Variants in KMT5B observed in about 807,000 individuals in gnomAD.
KMT5B encodes the protein histone-lysine N-methyltransferase KMT5B.
KMT5B carries 10 observed loss-of-function variants against 83.2 expected under a neutral mutation model. The observed-to-expected ratio is 0.12, with a 90% CI of 0.07 to 0.20. The LOEUF (loss-of-function observed/expected upper bound fraction) is 0.20. KMT5B is among the 10% of genes least tolerant of loss of function. KMT5B has a pLI of 1.00. For synonymous variants in KMT5B, 349 were observed against 388.8 expected (o/e 0.90, Z 1.20); for missense variants, 753 against 1,067.2 (o/e 0.71, Z 4.10).
chr11:68,201,396 G>C (rs556867358), intron 1 of KMT5B, among the ~76,000 whole-genome samples: 33 of 152,340 alleles, frequency 2.2e-4, no homozygotes, highest in African/African-American at 7.0e-4. Flanking sequence ...AACCATGCCT[G>C]TTCTATGCCA....
At chr11:68,174,974 T>G (rs1856215304) in intron 5 of KMT5B, 44 bp downstream of exon 5, 2 of 1,559,878 alleles carry the variant, frequency 1.3e-6, no homozygotes, top group East Asian at 4.5e-5. Flanking sequence ...TACTTCACTA[T>G]TCTTATCCAA....
Position 68,169,745 on chromosome 11 carries a change from G to T in KMT5B, c.977+1270C>A, listed in dbSNP as rs142550071. Among the ~76,000 whole-genome samples, 230 of 152,270 alleles carry T rather than the reference G, an allele frequency of 1.5e-3. 1 individual carries two copies. Among genetic ancestry groups the T allele is most frequent in the African/African-American group, 5.5e-3 (227 of 41,546 alleles). Reference sequence around the variant, plus strand: ...CAGGCAGTCTGATTTCAGATGATAGGCACTTAACTGTTATACTGTTTCCTC... The same window carrying T: ...CAGGCAGTCTGATTTCAGATGATAGTCACTTAACTGTTATACTGTTTCCTC... On this transcript the variant is annotated intron_variant, in intron 9 of 10. Transcript: ENST00000304363.
intron 1 of KMT5B, among the ~76,000 whole-genome samples, chr11:68,202,831 G>A (rs769747862): frequency 7.2e-5 from 11 of 151,948 alleles, no homozygotes; most frequent in Non-Finnish European, 1.6e-4. Flanking sequence ...ACAGGCGTAA[G>A]CCACTGCACC....
chr11:68,171,314 A>G lies in KMT5B; in HGVS notation c.821-63T>C. ...GATAAGATCTGAAACACGAACAATTATAGAAATCTGAAATAAGCTTTCCAT... is the reference window on the plus strand; with the variant it reads ...GATAAGATCTGAAACACGAACAATTGTAGAAATCTGAAATAAGCTTTCCAT... On this transcript the variant is annotated intron_variant, in intron 7 of 10. Transcript: ENST00000304363. The surrounding 1 kb of genome is among the most constrained non-coding windows in gnomAD (Gnocchi z 5.1). 1 of 1,575,238 alleles carries G rather than the reference A, an allele frequency of 6.3e-7. No individual in the cohort carries two copies. The highest frequency in any genetic ancestry group is 1.2e-5 in the South Asian group (1 of 86,868).
rs764201382 is a variant in KMT5B at position 68,158,329 on chromosome 11, C to T, written c.2017G>A (p.Val673Ile). 6.7e-5 allele frequency: 108 copies of T among 1,614,050 alleles called. No homozygotes were observed. Among genetic ancestry groups the T allele is most frequent in the East Asian group, 2.2e-4 (10 of 44,896 alleles). Residue 673 changes from valine to isoleucine, a missense_variant, in exon 11 of 11, where the codon GTC becomes ATC. Val to Ile is a conservative substitution (Grantham distance 29). Around this residue, in one of 9 missense-constraint regions of KMT5B, gnomAD observed 397 missense variants for 395.9 expected, o/e 1.00. Coordinates refer to ENST00000304363, the MANE Select transcript of KMT5B (RefSeq NM_017635.5). ...VSYTDCAPSP[V>I]GCSVVTSDSF... ...TCTGATGTCACAACTGAACAACCGACGGGTGAAGGAGCACAGTCTGTGTAG... is the reference window on the plus strand; with the variant it reads ...TCTGATGTCACAACTGAACAACCGATGGGTGAAGGAGCACAGTCTGTGTAG...
chr11:68,168,611 T>C (rs1323401705), intron 9 of KMT5B, among the ~76,000 whole-genome samples: 1 of 152,222 alleles, frequency 6.6e-6, no homozygotes, highest in Non-Finnish European at 1.5e-5. Flanking sequence ...GCTGGGATTA[T>C]AGGCGTGAGT....
At chr11:68,208,746 G>A (rs1446046443) in intron 1 of KMT5B, among the ~76,000 whole-genome samples, 2 of 152,140 alleles carry the variant, frequency 1.3e-5, no homozygotes, top group Admixed American at 1.3e-4. Context: ...AGCACTTTGG[G>A]AGGCCAAGGC....
Position 68,170,879 on chromosome 11 carries a change from C to T in KMT5B, c.977+136G>A, listed in dbSNP as rs1222410074. 9.9e-6 allele frequency: 9 copies of T among 908,108 alleles called. 1 individual carries two copies. The South Asian group carries it at 1.4e-4, about 14-fold the overall frequency. The allele number at this position is 908,108 out of a possible 1,614,324, so 56.3% of individuals were successfully genotyped here. A position where few individuals can be genotyped will look rare whatever the true frequency, so the allele number is the denominator to read the frequency against. On this transcript the variant is annotated intron_variant, in intron 9 of 10. Coordinates refer to ENST00000304363, the MANE Select transcript of KMT5B (RefSeq NM_017635.5). ...CAGCATTTGACTTTGTTCATACACA[C>T]TGCACCAGCCGCTATGCTAAAGAAC...
intron 1 of KMT5B, among the ~76,000 whole-genome samples, chr11:68,192,924 C>T (rs1191883145): frequency 6.6e-6 from 1 of 152,198 alleles, no homozygotes; most frequent in Non-Finnish European, 1.5e-5. Flanking sequence ...AAATGTATCT[C>T]TTACTATCTG....
intron 1 of KMT5B, among the ~76,000 whole-genome samples, chr11:68,205,899 C>T (rs1310861508): frequency 2.0e-5 from 3 of 152,118 alleles, no homozygotes; most frequent in Admixed American, 6.5e-5. Flanking sequence ...GGATTACAGG[C>T]GTGAGCCACC....
chr11:68,209,188 A>G (rs576507745), intron 1 of KMT5B, among the ~76,000 whole-genome samples: 5 of 152,340 alleles, frequency 3.3e-5, no homozygotes, highest in African/African-American at 9.6e-5. Flanking sequence ...TGTATCATAC[A>G]TTTCAACCGT....
At chr11:68,191,690 A>G (rs141468313) in intron 1 of KMT5B, among the ~76,000 whole-genome samples, 39 of 152,348 alleles carry the variant, frequency 2.6e-4, no homozygotes, top group African/African-American at 8.7e-4. Context: ...TATTACCATA[A>G]AAGAGTCAAA....
intron 10 of KMT5B, chr11:68,164,813 C>T: frequency 2.2e-6 from 1 of 448,596 alleles, no homozygotes; most frequent in East Asian, 7.0e-5. Context: ...AAGCCTGTGC[C>T]TCCAGTTTGT....
intron 2 of KMT5B, among the ~76,000 whole-genome samples, chr11:68,186,489 G>C (rs1239980595): frequency 6.6e-6 from 1 of 152,172 alleles, no homozygotes; most frequent in African/African-American, 2.4e-5. Flanking sequence ...TTCCAGAGCT[G>C]GGCAGTAGAA....
intron 1 of KMT5B, among the ~76,000 whole-genome samples, chr11:68,191,296 G>C (rs1440417278): frequency 1.3e-5 from 2 of 151,510 alleles, no homozygotes; most frequent in East Asian, 3.9e-4. Flanking sequence ...AAAGTGCTGG[G>C]ATTACAGGCA....
At position 68,158,800 on chromosome 11, in the gene KMT5B, C is replaced by T; in HGVS notation, c.1546G>A (p.Glu516Lys). The change falls in exon 11 of 11, where the codon GAA becomes AAA. Residue 516 changes from glutamate to lysine, a missense_variant. Glu to Lys is a moderately conservative substitution (Grantham distance 56). Coordinates refer to ENST00000304363, the MANE Select transcript of KMT5B (RefSeq NM_017635.5). ...SGCLTRHAAR[E>K]HRQNPVRGAH... ...CCTCTCACAGGATTCTGTCTGTGTTCTCTCGCCGCGTGTCTAGTCAAGCAC... is the reference window on the plus strand; with the variant it reads ...CCTCTCACAGGATTCTGTCTGTGTTTTCTCGCCGCGTGTCTAGTCAAGCAC... The T allele has an allele frequency of 6.2e-7, 1 of 1,614,184 alleles. No homozygotes were observed. The highest frequency in any genetic ancestry group is 8.5e-7 in the Non-Finnish European group (1 of 1,180,026).
chr11:68,187,074 G>A (rs879875727), intron 2 of KMT5B, among the ~76,000 whole-genome samples: 6 of 151,588 alleles, frequency 4.0e-5, no homozygotes, highest in South Asian at 2.1e-4. Flanking sequence ...ACAGCTCACC[G>A]CAGCCTCGAA....
At chr11:68,167,493 C>T (rs1323490849) in intron 9 of KMT5B, among the ~76,000 whole-genome samples, 5 of 150,688 alleles carry the variant, frequency 3.3e-5, no homozygotes, top group South Asian at 4.2e-4. Flanking sequence ...CTCACTCTAC[C>T]GCCCAGGCTG....
intron 10 of KMT5B, among the ~76,000 whole-genome samples, chr11:68,163,972 G>A (rs139289567): frequency 1.3e-4 from 20 of 152,242 alleles, no homozygotes; most frequent in African/African-American, 4.1e-4. Flanking sequence ...GCAGAGACCC[G>A]TGTCCGCATC....
Sources: gnomAD v4.1 joint callset for allele counts (sites outside exome capture counted in the v4.1 genomes callset) on GRCh38, gnomAD v4.1.1 for gene constraint, gnomAD v4.1.1 regional missense constraint, Gnocchi (gnomAD v3.1) non-coding constraint, MANE v1.5 for transcripts, NCBI Gene and HGNC (gene_info 2026-07-23, HGNC 2026-07-21) for gene names.